Variants in LRRC49 observed in about 807,000 individuals in gnomAD.
The protein encoded by LRRC49 is leucine rich repeat containing 49.
A neutral mutation model predicts 83.3 loss-of-function variants in LRRC49; 50 were observed. The observed-to-expected ratio is 0.60, with a 90% CI of 0.48 to 0.76. The LOEUF is 0.76. LRRC49 is among the 30% of genes least tolerant of loss of function. LRRC49 has a pLI of 0.00. For missense variants in LRRC49, 704 were observed against 809.1 expected (o/e 0.87, Z 1.58); for synonymous variants, 286 against 283.3 (o/e 1.01, Z -0.10).
At chr15:70,893,804 A>G in intron 2 of LRRC49, 164 bp downstream of exon 2, 1 of 592,194 alleles carries the variant, frequency 1.7e-6, no homozygotes, top group Non-Finnish European at 2.9e-6. Flanking sequence ...ACATAAAGCT[A>G]AAATAGCCCT....
At chr15:70,919,020 T>C (rs2034902672) in intron 6 of LRRC49, 30 bp from the exon 7 acceptor site, 32 of 1,584,984 alleles carry the variant, frequency 2.0e-5, no homozygotes, top group Non-Finnish European at 2.6e-5. Flanking sequence ...TTTTGCCTGC[T>C]AATCACCCTT....
At chr15:71,014,778 T>C (rs563030403) in intron 14 of LRRC49, among the ~76,000 whole-genome samples, 4 of 152,280 alleles carry the variant, frequency 2.6e-5, no homozygotes, top group African/African-American at 9.6e-5. Flanking sequence ...AATTTTTCAG[T>C]TATTATAATA....
At chr15:71,030,110 A>T (rs922120680) in intron 14 of LRRC49, among the ~76,000 whole-genome samples, 2 of 152,186 alleles carry the variant, frequency 1.3e-5, no homozygotes, top group African/African-American at 2.4e-5. Context: ...GTTTCTACAT[A>T]GTATCTTTGG....
chr15:70,866,247 G>A (rs7180924), intron 1 of LRRC49, among the ~76,000 whole-genome samples: 82,929 of 151,648 alleles, frequency 0.55, 23,434 homozygotes, highest in Admixed American at 0.69. Context: ...TCCGGGTTCA[G>A]GTGATTCTCC....
intron 9 of LRRC49, among the ~76,000 whole-genome samples, chr15:70,965,000 A>G (rs572515308): frequency 1.3e-5 from 2 of 152,286 alleles, no homozygotes; most frequent in South Asian, 2.1e-4. Flanking sequence ...GAGGTCTTCT[A>G]GGGTTCTGCC....
Position 71,008,556 on chromosome 15 carries a change from A to G in LRRC49, c.1347A>G (p.Ile449Met). The G allele has an allele frequency of 6.2e-7, 1 of 1,612,772 alleles. No individual in the cohort carries two copies. The highest frequency in any genetic ancestry group is 1.1e-5 in the South Asian group (1 of 91,014). The change falls in exon 12 of 16, where the codon ATA becomes ATG. Residue 449 changes from isoleucine to methionine, a missense_variant. Around this residue, in one of 3 missense-constraint regions of LRRC49, gnomAD observed 275 missense variants for 338.0 expected, o/e 0.81. Coordinates refer to ENST00000260382, the MANE Select transcript of LRRC49 (RefSeq NM_017691.5). The stretch of plus-strand genomic sequence containing the variant: ...TCACAACAGTCTCCTTCACTTTCAT[A>G]GAATTTGATGAAATCGTCCAAGTGC... The part of the protein sequence containing the change: ...GMITTVSFTF[I>M]EFDEIVQVLP...
At chr15:71,017,954 A>T (rs1318225958) in intron 14 of LRRC49, among the ~76,000 whole-genome samples, 1 of 152,158 alleles carries the variant, frequency 6.6e-6, no homozygotes, top group Non-Finnish European at 1.5e-5. Context: ...CAAATGCCAA[A>T]TAATTGGTAA....
chr15:70,881,551 G>C (rs2033264148), intron 2 of LRRC49: 1 of 152,112 alleles, frequency 6.6e-6, no homozygotes, highest in African/African-American at 2.4e-5. Context: ...ATGCTTCTCA[G>C]AAACTATTGT....
At chr15:71,027,326 T>C (rs1200164378) in intron 14 of LRRC49, among the ~76,000 whole-genome samples, 2 of 152,210 alleles carry the variant, frequency 1.3e-5, no homozygotes, top group Admixed American at 1.3e-4. Flanking sequence ...ACCAGTACCA[T>C]GTTGTTTTGG....
intron 13 of LRRC49, among the ~76,000 whole-genome samples, chr15:71,010,831 T>G (rs1033051557): frequency 1.8e-4 from 27 of 152,076 alleles, no homozygotes; most frequent in Admixed American, 1.4e-3. Context: ...ATCTTTAATA[T>G]GTTGTTAGTC....
intron 3 of LRRC49, among the ~76,000 whole-genome samples, chr15:70,897,883 G>C (rs1218058450): frequency 6.6e-6 from 1 of 152,146 alleles, no homozygotes; most frequent in Non-Finnish European, 1.5e-5. Flanking sequence ...TAAAATTTCA[G>C]TTAACCTGAC....
At chr15:70,925,454 A>T (rs748124034) in intron 7 of LRRC49, among the ~76,000 whole-genome samples, 1 of 152,154 alleles carries the variant, frequency 6.6e-6, no homozygotes, top group Non-Finnish European at 1.5e-5. Flanking sequence ...GCTGTATTAC[A>T]TTTGTTACTG....
intron 1 of LRRC49, among the ~76,000 whole-genome samples, chr15:70,857,443 C>A (rs568397536): frequency 4.5e-4 from 69 of 152,160 alleles, no homozygotes; most frequent in African/African-American, 1.7e-3. Context: ...CTGCAGTGAA[C>A]CATGATGGCA....
chr15:71,005,750 G>T (rs2038434836), intron 11 of LRRC49, among the ~76,000 whole-genome samples: 1 of 152,190 alleles, frequency 6.6e-6, no homozygotes, highest in African/African-American at 2.4e-5. Flanking sequence ...GGGCTTTGAG[G>T]ACATGTTTGG....
intron 14 of LRRC49, among the ~76,000 whole-genome samples, chr15:71,029,798 C>T (rs1028563049): frequency 7.5e-4 from 114 of 152,108 alleles, no homozygotes; most frequent in African/African-American, 2.6e-3. Flanking sequence ...CTTTTTTGAC[C>T]TGTGTTGATT....
chr15:70,938,818 A>G (rs939384890), intron 8 of LRRC49, among the ~76,000 whole-genome samples: 1 of 152,138 alleles, frequency 6.6e-6, no homozygotes, highest in African/African-American at 2.4e-5. Flanking sequence ...CTTTATTTTA[A>G]AAATGCAGCT....
intron 14 of LRRC49, among the ~76,000 whole-genome samples, chr15:71,026,900 C>G (rs2039190651): frequency 6.6e-6 from 1 of 152,074 alleles, no homozygotes; most frequent in East Asian, 1.9e-4. Context: ...GTTGCCTGTT[C>G]ACTCTGATGA....
chr15:71,013,421 C>G (rs536944920), intron 14 of LRRC49, among the ~76,000 whole-genome samples: 66 of 152,244 alleles, frequency 4.3e-4, no homozygotes, highest in Non-Finnish European at 8.7e-4. Context: ...CCATGCCAAG[C>G]AAAAATGAAA....
upstream of LRRC49, chr15:70,892,486 C>T: frequency 6.5e-7 from 1 of 1,529,380 alleles, no homozygotes; most frequent in Non-Finnish European, 8.7e-7. Context: ...CCTCCCTGCG[C>T]TGCTCCCCAG....
Sources: gnomAD v4.1 joint callset for allele counts (sites outside exome capture counted in the v4.1 genomes callset) on GRCh38, gnomAD v4.1.1 for gene constraint, gnomAD v4.1.1 regional missense constraint, MANE v1.5 for transcripts, NCBI Gene and HGNC (gene_info 2026-07-23, HGNC 2026-07-21) for gene names.